Variants in PPARGC1A observed in about 807,000 individuals in gnomAD.
The protein encoded by PPARGC1A is peroxisome proliferator-activated receptor gamma coactivator 1-alpha.
Under a neutral mutation model 88.7 loss-of-function variants are expected in PPARGC1A, and 25 were observed. The observed-to-expected ratio is 0.28, with a 90% CI of 0.21 to 0.39. PPARGC1A has a LOEUF of 0.39. Ranked by LOEUF, PPARGC1A falls within the 10% of genes least tolerant of loss-of-function variation. The pLI, the probability that PPARGC1A is intolerant of heterozygous loss-of-function variation, is 1.00. For missense variants in PPARGC1A, 880 were observed against 968.7 expected, an observed-to-expected ratio of 0.91 and a Z score of 1.22; for synonymous variants, 363 against 355.6, an observed-to-expected ratio of 1.02 and a Z score of -0.24.
chr4:24,182,140 C>G, the PPARGC1A span, among the ~76,000 whole-genome samples: 4 of 152,092 alleles, frequency 2.6e-5, no homozygotes, highest in African/African-American at 7.2e-5. Flanking sequence ...CTAATGCTAT[C>G]CCTCTTCTTG....
At chr4:23,887,819 T>C (rs889307348) in intron 1 of PPARGC1A, among the ~76,000 whole-genome samples, 2 of 152,068 alleles carry the variant, frequency 1.3e-5, no homozygotes, top group African/African-American at 4.8e-5. Flanking sequence ...GAAACTGGGT[T>C]CTTAAAAAAA....
chr4:24,341,381 T>C, the PPARGC1A span, among the ~76,000 whole-genome samples: 13 of 152,106 alleles, frequency 8.5e-5, no homozygotes, highest in African/African-American at 2.7e-4. Context: ...TTTATTAAAT[T>C]GGCACATATA....
chr4:23,878,053 C>G (rs911149361), intron 2 of PPARGC1A, among the ~76,000 whole-genome samples: 1 of 152,168 alleles, frequency 6.6e-6, no homozygotes, highest in African/African-American at 2.4e-5. Flanking sequence ...TTTCCTGATT[C>G]TGCTCCAAGA....
intron 2 of PPARGC1A, among the ~76,000 whole-genome samples, chr4:23,864,473 T>C (rs1001659936): frequency 2.0e-5 from 3 of 152,204 alleles, no homozygotes; most frequent in African/African-American, 7.2e-5. Flanking sequence ...TGGGGTAGTA[T>C]ACCTTCAGGA....
intron 2 of PPARGC1A, among the ~76,000 whole-genome samples, chr4:23,837,016 ATT>A (rs1177039786): frequency 1.3e-5 from 2 of 152,044 alleles, no homozygotes; most frequent in Non-Finnish European, 1.5e-5. Flanking sequence ...TATGTTAGTA[ATT>A]TTTTCTGGAT....
the PPARGC1A span, among the ~76,000 whole-genome samples, chr4:24,033,441 G>A: frequency 3.8e-4 from 55 of 145,118 alleles, 1 homozygote; most frequent in African/African-American, 1.3e-3. Flanking sequence ...ACGCATCCAC[G>A]TACAAATTAA....
the PPARGC1A span, among the ~76,000 whole-genome samples, chr4:23,911,187 A>G: frequency 2.0e-5 from 3 of 152,118 alleles, no homozygotes; most frequent in African/African-American, 7.2e-5. Context: ...GAGAAGGAGA[A>G]GCAGGTGTTA....
At chr4:24,113,532 T>A in the PPARGC1A span, among the ~76,000 whole-genome samples, 502 of 152,300 alleles carry the variant, frequency 3.3e-3, 1 homozygote, top group Non-Finnish European at 5.5e-3. Flanking sequence ...TGAGTAGGGA[T>A]CCCTCTTCAT....
At chr4:24,466,782 C>T in the PPARGC1A span, among the ~76,000 whole-genome samples, 5 of 148,080 alleles carry the variant, frequency 3.4e-5, no homozygotes, top group Admixed American at 6.9e-5. Flanking sequence ...GGCGTTGTGG[C>T]GTGCGCCTGT....
chr4:24,082,239 T>G, the PPARGC1A span, among the ~76,000 whole-genome samples: 4 of 152,222 alleles, frequency 2.6e-5, no homozygotes, highest in Admixed American at 6.5e-5. Context: ...CCAATATAAA[T>G]GGTGAGCATT....
chr4:23,915,038 T>C, the PPARGC1A span, among the ~76,000 whole-genome samples: 2 of 152,118 alleles, frequency 1.3e-5, no homozygotes, highest in East Asian at 3.9e-4. Flanking sequence ...AGTATGGAGG[T>C]CCAAGGAAGT....
chr4:24,151,209 C>T, the PPARGC1A span, among the ~76,000 whole-genome samples: 9 of 152,304 alleles, frequency 5.9e-5, no homozygotes, highest in Admixed American at 2.6e-4. Context: ...TCTTAGTGTA[C>T]ACAGTCTTAG....
At chr4:24,335,313 G>C in the PPARGC1A span, among the ~76,000 whole-genome samples, 1 of 152,302 alleles carries the variant, frequency 6.6e-6, no homozygotes, top group East Asian at 1.9e-4. Flanking sequence ...GAGATTCATG[G>C]AAGTTAGGCG....
the PPARGC1A span, among the ~76,000 whole-genome samples, chr4:23,991,497 G>C: frequency 6.6e-6 from 1 of 151,928 alleles, no homozygotes; most frequent in Non-Finnish European, 1.5e-5. Context: ...CATCAGGGGA[G>C]CTTTCCCTCT....
At chr4:23,958,684 T>C in the PPARGC1A span, among the ~76,000 whole-genome samples, 2 of 152,082 alleles carry the variant, frequency 1.3e-5, no homozygotes, top group Non-Finnish European at 2.9e-5. Flanking sequence ...CTCAAATATC[T>C]AATGTAAAAT....
At chr4:23,980,230 C>G in the PPARGC1A span, among the ~76,000 whole-genome samples, 1 of 143,320 alleles carries the variant, frequency 7.0e-6, no homozygotes, top group Non-Finnish European at 1.5e-5. Context: ...ATGGCTTGGT[C>G]TTTATTTTCT....
At chr4:24,398,820 C>T in the PPARGC1A span, among the ~76,000 whole-genome samples, 1 of 152,180 alleles carries the variant, frequency 6.6e-6, no homozygotes, top group East Asian at 1.9e-4. Flanking sequence ...GCACCCCAAT[C>T]CAGGACCTCT....
rs1304415518 is a variant in PPARGC1A at position 23,792,315 on chromosome 4, C to CATT, written c.*3504_*3506dup. ...CATAGGTACAAATTTAGAATCATCA[C>CATT]ATTATAGTACATGGCTATTCTAGGT... is the stretch of plus-strand genomic sequence containing the variant. On this transcript the variant is annotated 3_prime_UTR_variant, in exon 13 of 13. Transcript: ENST00000264867. The CATT allele has an allele frequency of 6.6e-6, 1 of 152,564 alleles. No individual in the cohort carries two copies. Among genetic ancestry groups the CATT allele is most frequent in the African/African-American group, 2.4e-5 (1 of 41,432 alleles). The allele number at this position is 152,564 out of a possible 1,614,324, so 9.5% of individuals were successfully genotyped here. A position where few individuals can be genotyped will look rare whatever the true frequency, so the allele number is the denominator to read the frequency against.
chr4:23,803,917 T>C (rs924591958), intron 10 of PPARGC1A, among the ~76,000 whole-genome samples: 2 of 152,336 alleles, frequency 1.3e-5, no homozygotes, highest in Non-Finnish European at 2.9e-5. Flanking sequence ...CCTTTTCTTA[T>C]GCCCAGTATT....
Sources: allele counts gnomAD v4.1 joint callset (sites outside exome capture counted in the v4.1 genomes callset), GRCh38; gene constraint gnomAD v4.1.1; transcripts MANE v1.5; gene names NCBI Gene and HGNC (gene_info 2026-07-23, HGNC 2026-07-21).